AOPEP: variants seen among roughly 807,000 people sequenced by gnomAD.
AOPEP encodes aminopeptidase O.
In AOPEP, 77 loss-of-function variants were observed where a neutral mutation model predicts 98.1. That is an observed-to-expected ratio of 0.78 (90% CI 0.65 to 0.95). The LOEUF is 0.95. Ranked by LOEUF, AOPEP falls within the 40% of genes least tolerant of loss-of-function variation. AOPEP has a pLI of 0.00. For synonymous variants in AOPEP, 346 were observed against 365.3 expected, an observed-to-expected ratio of 0.95 and a Z score of 0.60; for missense variants, 1,024 against 1,024.7, an observed-to-expected ratio of 1.00 and a Z score of 0.01.
intron 1 of AOPEP, among the ~76,000 whole-genome samples, chr9:94,728,784 C>T (rs1252534752): frequency 6.6e-6 from 1 of 152,174 alleles, no homozygotes; most frequent in East Asian, 1.9e-4. Context: ...AGGGACACTT[C>T]TTCCACTCTC....
intron 14 of AOPEP, among the ~76,000 whole-genome samples, chr9:95,079,515 G>C (rs952719279): frequency 3.9e-5 from 6 of 152,226 alleles, no homozygotes; most frequent in Admixed American, 2.0e-4. Flanking sequence ...ATAACTGAGA[G>C]TGCTTTGATG....
chr9:94,960,707 TCTTACTGC>T (rs1381650068), intron 9 of AOPEP, among the ~76,000 whole-genome samples: 2 of 151,952 alleles, frequency 1.3e-5, no homozygotes, highest in Non-Finnish European at 2.9e-5. Flanking sequence ...ATTTCTGAGT[TCTTACTGC>T]GTAAGAATGC....
chr9:94,772,366 T>C (rs1841086510), intron 2 of AOPEP, among the ~76,000 whole-genome samples: 1 of 152,194 alleles, frequency 6.6e-6, no homozygotes, highest in African/African-American at 2.4e-5. Context: ...TGCTGTGTCA[T>C]TGGTTTTGCA....
chr9:95,039,249 G>C (rs79142111), intron 13 of AOPEP, among the ~76,000 whole-genome samples: 1,580 of 152,174 alleles, frequency 0.01, 29 homozygotes, highest in African/African-American at 0.037. Context: ...AGAAAAATAA[G>C]ACCTATGGGA....
intron 13 of AOPEP, among the ~76,000 whole-genome samples, chr9:95,007,191 C>T (rs1174661689): frequency 3.9e-5 from 6 of 152,116 alleles, no homozygotes; most frequent in Admixed American, 3.9e-4. Context: ...TGAGCCACTG[C>T]ACCCTGCCAG....
intron 5 of AOPEP, among the ~76,000 whole-genome samples, chr9:94,809,303 G>C (rs1849949193): frequency 6.6e-6 from 1 of 152,218 alleles, no homozygotes. Flanking sequence ...TTATGATCCT[G>C]ATTTAATATC....
intron 5 of AOPEP, among the ~76,000 whole-genome samples, chr9:94,801,520 C>T (rs1848213030): frequency 6.6e-6 from 1 of 152,166 alleles, no homozygotes; most frequent in Non-Finnish European, 1.5e-5. Context: ...TAAATCTATC[C>T]CTACTGCTAG....
chr9:94,755,806 A>AC (rs1836894916), intron 1 of AOPEP, among the ~76,000 whole-genome samples: 1 of 152,236 alleles, frequency 6.6e-6, no homozygotes, highest in African/African-American at 2.4e-5. Flanking sequence ...GAAATGGGTG[A>AC]CCTTGAGCAA....
intron 3 of AOPEP, among the ~76,000 whole-genome samples, chr9:94,782,983 T>A (rs1431893432): frequency 6.6e-6 from 1 of 152,206 alleles, no homozygotes; most frequent in East Asian, 1.9e-4. Flanking sequence ...TTGCTGTGGA[T>A]TTTTGTCTTG....
rs558910762 is a variant in AOPEP at position 94,752,871 on chromosome 9, C to T, written c.-135-6778C>T. The stretch of plus-strand genomic sequence containing the variant: ...TAATAACCATGTTGACTTTGAGGCT[C>T]GGTCAGAAAAGGCCATGCAGTTTTC... On this transcript the variant is annotated intron_variant, in intron 1 of 16. Coordinates refer to ENST00000375315, the MANE Select transcript of AOPEP (RefSeq NM_001193329.3). 1.4e-4 allele frequency among the ~76,000 whole-genome samples: 22 copies of T among 152,276 alleles called. No homozygotes were observed. The South Asian group carries it at 3.1e-3, about 22-fold the overall frequency.
the AOPEP span, among the ~76,000 whole-genome samples, chr9:95,105,012 G>A: frequency 1.3e-5 from 2 of 152,232 alleles, no homozygotes; most frequent in Admixed American, 1.3e-4. Flanking sequence ...TGTTGCAGGT[G>A]TGCATTTTAT....
the AOPEP span, chr9:95,107,191 C>T: frequency 6.2e-7 from 1 of 1,614,076 alleles, no homozygotes; most frequent in Non-Finnish European, 8.5e-7. Context: ...TGTCCTGCTA[C>T]CGTCTGCAGG....
At chr9:94,923,950 C>G (rs1043548188) in intron 5 of AOPEP, 36 bp from the exon 6 acceptor site, 1 of 1,343,966 alleles carries the variant, frequency 7.4e-7, no homozygotes, top group South Asian at 1.9e-5. Flanking sequence ...CAGGCTCTAA[C>G]AAGACTCTGT....
At chr9:95,132,747 A>G in the AOPEP span, among the ~76,000 whole-genome samples, 4 of 152,240 alleles carry the variant, frequency 2.6e-5, no homozygotes, top group Non-Finnish European at 4.4e-5. Flanking sequence ...CTCATTATTC[A>G]TGGTCTTAAT....
At position 94,993,532 on chromosome 9, in the gene AOPEP, A is replaced by G. The variant is rs558468383; in HGVS notation, c.1978-11626A>G. Among the ~76,000 whole-genome samples, 3 of 152,342 alleles carry G rather than the reference A, an allele frequency of 2.0e-5. No homozygotes were observed. In the East Asian group the frequency reaches 5.8e-4, roughly 29 times the overall value. On this transcript the variant is annotated intron_variant, in intron 11 of 16. Transcript: ENST00000375315. ...GTTGCAGTATTTCTTATATTGAGAA[A>G]GTAGAACCTATTTGGGGTTGAAATG...
At chr9:94,865,788 T>C (rs1285123665) in intron 5 of AOPEP, among the ~76,000 whole-genome samples, 1 of 152,238 alleles carries the variant, frequency 6.6e-6, no homozygotes, top group African/African-American at 2.4e-5. Context: ...AACAGACAGA[T>C]GTTGGAACTC....
rs566371431 is a variant in AOPEP, at chr9:94,731,610, C to T, written c.-136+4859C>T. On this transcript the variant is annotated intron_variant, in intron 1 of 16. Coordinates refer to ENST00000375315, the MANE Select transcript of AOPEP (RefSeq NM_001193329.3). ...TGATTTTGTCATCTTTTTGCTAGGCCTCCAAAAAGCCCTGGTTTCTGTGCT... is the reference window on the plus strand; with the variant it reads ...TGATTTTGTCATCTTTTTGCTAGGCTTCCAAAAAGCCCTGGTTTCTGTGCT... 7.9e-5 allele frequency among the ~76,000 whole-genome samples: 12 copies of T among 151,992 alleles called. No homozygotes were observed. In the South Asian group the frequency reaches 1.9e-3, roughly 24 times the overall value.
chr9:94,775,713 G>A (rs150173210), intron 3 of AOPEP, among the ~76,000 whole-genome samples: 1,793 of 152,118 alleles, frequency 0.012, 20 homozygotes, highest in South Asian at 0.043. Context: ...AGTGGCTCAC[G>A]CCTGTAATCC....
At chr9:95,127,774 G>A in the AOPEP span, among the ~76,000 whole-genome samples, 1 of 152,224 alleles carries the variant, frequency 6.6e-6, no homozygotes, top group Non-Finnish European at 1.5e-5. Flanking sequence ...AGGCAGGACC[G>A]CGCCTCCTCG....
Sources: allele counts gnomAD v4.1 joint callset (sites outside exome capture counted in the v4.1 genomes callset), GRCh38; gene constraint gnomAD v4.1.1; transcripts MANE v1.5; gene names NCBI Gene and HGNC (gene_info 2026-07-23, HGNC 2026-07-21).